Variants in AGTPBP1 observed in about 807,000 individuals in gnomAD.
The protein encoded by AGTPBP1 is cytosolic carboxypeptidase 1.
A neutral mutation model predicts 143.9 loss-of-function variants in AGTPBP1; 70 were observed. That is an observed-to-expected ratio of 0.49 (90% confidence interval 0.40 to 0.59). The LOEUF is 0.59. Among genes scored for constraint, AGTPBP1 ranks in the 20% least tolerant of loss-of-function variants. AGTPBP1 has a pLI of 0.00. For synonymous variants in AGTPBP1, 463 were observed against 500.2 expected (o/e 0.93, Z 0.99); for missense variants, 1,229 against 1,464.5 (o/e 0.84, Z 2.62).
intron 8 of AGTPBP1, among the ~76,000 whole-genome samples, chr9:85,664,502 C>A (rs115350281): frequency 4.8e-4 from 73 of 152,180 alleles, no homozygotes; most frequent in African/African-American, 1.8e-3. Context: ...AAGTACTGTG[C>A]CTCCCAAGCC....
rs1282169379 is a variant in AGTPBP1 at position 85,589,592 on chromosome 9, G to T, written c.2658C>A (p.Ser886Arg). Reference sequence around the variant, plus strand: ...TTGCTGTTATAGTCACCAAGGGGCAGCTGTTTCCAGACAGGGTTTCACATA... The same window carrying T: ...TTGCTGTTATAGTCACCAAGGGGCATCTGTTTCCAGACAGGGTTTCACATA... ...DVLCETLSGN[S>R]CPLVTITAMP... Residue 886 changes from serine to arginine, a missense_variant, in exon 20 of 26, where the codon AGC becomes AGA. Physicochemically the swap from Ser to Arg is moderately radical, Grantham distance 110 (BLOSUM62 -1). Transcript: ENST00000357081. 6.2e-7 allele frequency: 1 copy of T among 1,613,656 alleles called. No homozygotes were observed. Among genetic ancestry groups the T allele is most frequent in the Non-Finnish European group, 8.5e-7 (1 of 1,179,700 alleles).
chr9:85,587,884 T>C (rs569168315), intron 21 of AGTPBP1, among the ~76,000 whole-genome samples: 1 of 152,034 alleles, frequency 6.6e-6, no homozygotes, highest in Non-Finnish European at 1.5e-5. Context: ...GGTTAGCAGA[T>C]GGGGCTAACA....
At chr9:85,664,626 C>G (rs1056026585) in intron 8 of AGTPBP1, among the ~76,000 whole-genome samples, 14 of 152,120 alleles carry the variant, frequency 9.2e-5, no homozygotes, top group African/African-American at 2.9e-4. Flanking sequence ...AGAAGTCAAT[C>G]TAATATAACA....
At chr9:85,625,909 T>TTTG (rs1554708789) in intron 14 of AGTPBP1, among the ~76,000 whole-genome samples, 1 of 135,334 alleles carries the variant, frequency 7.4e-6, no homozygotes, top group African/African-American at 2.9e-5. Flanking sequence ...GTTTTGTTTT[T>TTTG]TTTTTTTTTT....
chr9:85,688,424 C>T (rs1835634249), intron 3 of AGTPBP1, among the ~76,000 whole-genome samples: 1 of 151,968 alleles, frequency 6.6e-6, no homozygotes, highest in Non-Finnish European at 1.5e-5. Context: ...AAATTTACAA[C>T]TAAAAATGTC....
intron 17 of AGTPBP1, among the ~76,000 whole-genome samples, chr9:85,598,778 G>A (rs1172372450): frequency 2.6e-5 from 4 of 152,164 alleles, no homozygotes. Context: ...GAAGTGCAAT[G>A]GTGCGATCTC....
chr9:85,672,566 T>C lies in AGTPBP1; in HGVS notation c.552A>G (p.Arg184=), dbSNP rs775692798. 6 of 1,612,850 alleles carry C rather than the reference T, an allele frequency of 3.7e-6. No homozygotes were observed. The South Asian group carries it at 6.6e-5, about 18-fold the overall frequency. Residue 184 remains arginine (R), a synonymous_variant, in exon 7 of 26, where the codon CGA becomes CGG. Coordinates refer to ENST00000357081, the MANE Select transcript of AGTPBP1 (RefSeq NM_001330701.2). ...AATACTCACAGTTGGCAGAATATAC[T>C]CGTAAAAGCTGAAGGCAAGGTAGAA... The part of the protein sequence containing the change: ...RLVLPCLQLL[R]VYSANSVNSV...
At chr9:85,742,045 C>T, upstream of AGTPBP1, 2 of 1,182,468 alleles carry the variant, frequency 1.7e-6, no homozygotes, top group Non-Finnish European at 2.1e-6. Context: ...GGGGGCGGGG[C>T]GTGCGAGGCC....
At chr9:85,658,948 TAC>T (rs1299148834) in intron 9 of AGTPBP1, among the ~76,000 whole-genome samples, 2 of 152,186 alleles carry the variant, frequency 1.3e-5, no homozygotes, top group Admixed American at 6.5e-5. Flanking sequence ...ACTTTGTTTA[TAC>T]CAGTTGGAAA....
At chr9:85,759,064 G>A in the AGTPBP1 span, among the ~76,000 whole-genome samples, 1 of 152,142 alleles carries the variant, frequency 6.6e-6, no homozygotes, top group African/African-American at 2.4e-5. Flanking sequence ...TCAACAAGAA[G>A]AGCTAACTAT....
chr9:85,699,232 C>T (rs1354783590), intron 2 of AGTPBP1, among the ~76,000 whole-genome samples: 1 of 152,116 alleles, frequency 6.6e-6, no homozygotes, highest in Non-Finnish European at 1.5e-5. Context: ...GATCCTCCCA[C>T]GTGAGTCTCC....
chr9:85,594,176 T>C (rs1363150819), intron 18 of AGTPBP1, among the ~76,000 whole-genome samples: 3 of 152,248 alleles, frequency 2.0e-5, no homozygotes, highest in South Asian at 4.1e-4. Flanking sequence ...TGGCAGTTTC[T>C]AGTTTATAAA....
At chr9:85,755,709 C>T in the AGTPBP1 span, among the ~76,000 whole-genome samples, 3 of 152,140 alleles carry the variant, frequency 2.0e-5, no homozygotes, top group Admixed American at 6.5e-5. Flanking sequence ...GAGATAGATA[C>T]GTAGGGCAGC....
intron 9 of AGTPBP1, among the ~76,000 whole-genome samples, chr9:85,659,849 T>TA (rs1222419178): frequency 6.6e-6 from 1 of 152,088 alleles, no homozygotes; most frequent in Non-Finnish European, 1.5e-5. Flanking sequence ...AAAGCAAACC[T>TA]AAAAATATCT....
At chr9:85,611,390 C>A (rs1830311333) in intron 17 of AGTPBP1, among the ~76,000 whole-genome samples, 1 of 151,186 alleles carries the variant, frequency 6.6e-6, no homozygotes. Flanking sequence ...ATACATCAAG[C>A]AAATTCAAAC....
Position 85,625,204 on chromosome 9 carries a change from C to T in AGTPBP1, c.2016-3919G>A, listed in dbSNP as rs556771790. 1.1e-3 allele frequency among the ~76,000 whole-genome samples: 171 copies of T among 152,342 alleles called. 2 individuals are homozygous for T. Among genetic ancestry groups the T allele is most frequent in the African/African-American group, 3.8e-3 (158 of 41,584 alleles). On this transcript the variant is annotated intron_variant, in intron 14 of 25. Transcript: ENST00000357081. Reference sequence around the variant, plus strand: ...ACTGACATGTCAAAGGAAACATGCACATTAATCTTGATAGAATCTGTCTGA... The same window carrying T: ...ACTGACATGTCAAAGGAAACATGCATATTAATCTTGATAGAATCTGTCTGA...
chr9:85,591,434 T>C (rs897603050), intron 19 of AGTPBP1, among the ~76,000 whole-genome samples: 4 of 151,836 alleles, frequency 2.6e-5, no homozygotes, highest in Admixed American at 2.0e-4. Context: ...GAAGCCCAGG[T>C]GAGAAACGAT....
intron 21 of AGTPBP1, among the ~76,000 whole-genome samples, chr9:85,588,055 C>T (rs1261411115): frequency 2.6e-5 from 4 of 152,028 alleles, no homozygotes; most frequent in Non-Finnish European, 1.5e-5. Flanking sequence ...AAGCATATTC[C>T]CATGGATACA....
intron 1 of AGTPBP1, among the ~76,000 whole-genome samples, chr9:85,732,907 G>A (rs572701136): frequency 9.2e-5 from 14 of 152,158 alleles, no homozygotes; most frequent in African/African-American, 3.4e-4. Flanking sequence ...TTAATAAAAA[G>A]TTCAACAGAG....
Sources: allele counts gnomAD v4.1 joint callset (sites outside exome capture counted in the v4.1 genomes callset), GRCh38; gene constraint gnomAD v4.1.1; transcripts MANE v1.5; gene names NCBI Gene and HGNC (gene_info 2026-07-23, HGNC 2026-07-21).